Variants in RXFP1 observed in about 807,000 individuals in gnomAD.
RXFP1 encodes the protein relaxin receptor 1.
RXFP1 carries 73 observed loss-of-function variants against 89.8 expected under a neutral mutation model. The observed-to-expected ratio is 0.81, with a 90% confidence interval of 0.67 to 0.99. RXFP1 has a LOEUF of 0.99. Among genes scored for constraint, RXFP1 ranks in the 50% least tolerant of loss-of-function variants. The pLI, the probability that RXFP1 is intolerant of heterozygous loss-of-function variation, is 0.00. For missense variants in RXFP1, 793 were observed against 895.5 expected (o/e 0.89, Z 1.46); for synonymous variants, 277 against 305.5 (o/e 0.91, Z 0.97).
chr4:158,649,664 G>A (rs1772262493), intron 17 of RXFP1, among the ~76,000 whole-genome samples: 1 of 151,758 alleles, frequency 6.6e-6, no homozygotes, highest in East Asian at 1.9e-4. Flanking sequence ...CATCCATTAG[G>A]ATGACTACTA....
chr4:158,547,178 G>A (rs909405477), intron 1 of RXFP1, among the ~76,000 whole-genome samples: 4 of 152,102 alleles, frequency 2.6e-5, no homozygotes, highest in African/African-American at 7.2e-5. Flanking sequence ...TTAGTCTTGG[G>A]GGGGTGTATG....
chr4:158,561,233 G>A (rs1752364749), intron 1 of RXFP1, among the ~76,000 whole-genome samples: 1 of 152,142 alleles, frequency 6.6e-6, no homozygotes, highest in South Asian at 2.1e-4. Flanking sequence ...TAAATGTAAT[G>A]ATTAATTTTA....
intron 17 of RXFP1, among the ~76,000 whole-genome samples, chr4:158,650,252 T>C (rs1397954209): frequency 2.7e-5 from 4 of 146,186 alleles, no homozygotes; most frequent in Admixed American, 7.1e-5. Flanking sequence ...GAGTGTTTAA[T>C]AGGCATAGAG....
chr4:158,522,088 A>G (rs574137609), intron 1 of RXFP1, 63 bp downstream of exon 1: 1 of 916,052 alleles, frequency 1.1e-6, no homozygotes, highest in South Asian at 1.5e-5. Context: ...CACAAGCACA[A>G]ATGTTTACTC....
Position 158,648,608 on chromosome 4 carries a change from A to G in RXFP1, c.1866A>G (p.Lys622=). 1.2e-6 allele frequency: 2 copies of G among 1,613,376 alleles called. No individual in the cohort carries two copies. Among genetic ancestry groups the G allele is most frequent in the Non-Finnish European group, 1.7e-6 (2 of 1,179,460 alleles). ...TATEIRNQVK[K]EMILAKRFFF... ...CTGAAATACGGAATCAAGTTAAAAA[A>G]GAGATGATCCTTGCCAAACGTTTTT... The change falls in exon 17 of 18, where the codon AAA becomes AAG. Residue 622 remains lysine, a synonymous_variant. Coordinates refer to ENST00000307765, the MANE Select transcript of RXFP1 (RefSeq NM_021634.4).
intron 1 of RXFP1, among the ~76,000 whole-genome samples, chr4:158,527,552 CA>C (rs759769435): frequency 9.6e-6 from 1 of 104,104 alleles, no homozygotes; most frequent in African/African-American, 3.7e-5. Context: ...TCCCCCGCTC[CA>C]AAAAAAAAAA....
chr4:158,562,348 C>G (rs567759694), intron 1 of RXFP1, among the ~76,000 whole-genome samples: 22 of 150,766 alleles, frequency 1.5e-4, no homozygotes, highest in Non-Finnish European at 2.8e-4. Context: ...AACGGTGAAA[C>G]CCCGTCTCTA....
At chr4:158,651,372 A>T (rs1202251066) in intron 17 of RXFP1, among the ~76,000 whole-genome samples, 1 of 152,244 alleles carries the variant, frequency 6.6e-6, no homozygotes, top group South Asian at 2.1e-4. Context: ...ATGCACCATT[A>T]AAATACTCAA....
Position 158,623,230 on chromosome 4 carries a change from G to A in RXFP1, c.756-3590G>A, listed in dbSNP as rs1339631801. On this transcript the variant is annotated intron_variant, in intron 9 of 17. Coordinates refer to ENST00000307765, the MANE Select transcript of RXFP1 (RefSeq NM_021634.4). ...AATCCACCACTGGGTCAGGTGCGGTGGTGCATGCCTGTAATCCCAGTACTT... is the reference window on the plus strand; with the variant it reads ...AATCCACCACTGGGTCAGGTGCGGTAGTGCATGCCTGTAATCCCAGTACTT... Among the ~76,000 whole-genome samples, 3 of 151,934 alleles carry A rather than the reference G, an allele frequency of 2.0e-5. No individual in the cohort carries two copies. The East Asian group carries it at 5.8e-4, about 29-fold the overall frequency.
intron 2 of RXFP1, among the ~76,000 whole-genome samples, chr4:158,592,335 G>A (rs1454969273): frequency 6.6e-6 from 1 of 152,108 alleles, no homozygotes; most frequent in East Asian, 1.9e-4. Flanking sequence ...GCACTCTGGG[G>A]GGCCGAGGCT....
chr4:158,626,642 T>C (rs1766900877), intron 9 of RXFP1, among the ~76,000 whole-genome samples, 178 bp from the exon 10 acceptor site: 1 of 152,010 alleles, frequency 6.6e-6, no homozygotes, highest in Non-Finnish European at 1.5e-5. Flanking sequence ...AAAAAGTGTA[T>C]AATATAGATA....
chr4:158,553,912 G>T (rs1016616566), intron 1 of RXFP1, among the ~76,000 whole-genome samples: 5 of 152,124 alleles, frequency 3.3e-5, no homozygotes, highest in Non-Finnish European at 7.3e-5. Context: ...GCATTGAATG[G>T]TTTCCTACTG....
chr4:158,637,086 T>C (rs1769321305), intron 12 of RXFP1, among the ~76,000 whole-genome samples: 1 of 152,210 alleles, frequency 6.6e-6, no homozygotes, highest in Non-Finnish European at 1.5e-5. Context: ...TCTGTGTTTT[T>C]TAAGGCTGAA....
intron 1 of RXFP1, among the ~76,000 whole-genome samples, chr4:158,552,547 T>C (rs1283956285): frequency 6.6e-6 from 1 of 151,302 alleles, no homozygotes; most frequent in Non-Finnish European, 1.5e-5. Context: ...TAGGCCCTCA[T>C]TCAGAGCTTA....
At chr4:158,539,476 A>G (rs1054720685) in intron 1 of RXFP1, among the ~76,000 whole-genome samples, 7 of 151,596 alleles carry the variant, frequency 4.6e-5, no homozygotes, top group African/African-American at 1.7e-4. Context: ...AACTTAAAGT[A>G]TAATAATAAT....
intron 3 of RXFP1, among the ~76,000 whole-genome samples, chr4:158,597,616 G>A (rs190186039): frequency 2.0e-5 from 3 of 152,186 alleles, no homozygotes; most frequent in Non-Finnish European, 2.9e-5. Flanking sequence ...TTCCTTGGCT[G>A]TTGGATATTT....
intron 1 of RXFP1, among the ~76,000 whole-genome samples, chr4:158,528,805 C>A (rs1743250164): frequency 6.6e-6 from 1 of 152,234 alleles, no homozygotes; most frequent in African/African-American, 2.4e-5. Flanking sequence ...TCAGACACTT[C>A]TAGTGTCCAG....
rs1264749688 is a variant in RXFP1 at position 158,628,568 on chromosome 4, C to T, written c.828-70C>T. The T allele has an allele frequency of 2.5e-5, 17 of 672,286 alleles. No individual in the cohort carries two copies. In the African/African-American group the frequency reaches 2.9e-4, roughly 12 times the overall value. The allele number at this position is 672,286 out of a possible 1,614,324, so 41.6% of individuals were successfully genotyped here. ...ATTCATTATCTTTGTTTCTGCATAC[C>T]GTTCCTCTCTTTAGTAATTCTTGTC... On this transcript the variant is annotated intron_variant, in intron 10 of 17. Transcript: ENST00000307765.
At chr4:158,622,505 T>C (rs1472679307) in intron 9 of RXFP1, among the ~76,000 whole-genome samples, 1 of 152,130 alleles carries the variant, frequency 6.6e-6, no homozygotes. Context: ...AAAGAAAATG[T>C]GGTAGATATA....
Sources: gnomAD v4.1 joint callset for allele counts (sites outside exome capture counted in the v4.1 genomes callset) on GRCh38, gnomAD v4.1.1 for gene constraint, MANE v1.5 for transcripts, NCBI Gene and HGNC (gene_info 2026-07-23, HGNC 2026-07-21) for gene names.